Variants in ATP8A2 observed in about 807,000 individuals in gnomAD.
The protein encoded by ATP8A2 is phospholipid-transporting ATPase IB.
Under a neutral mutation model 165.6 loss-of-function variants are expected in ATP8A2, and 100 were observed. That is an observed-to-expected ratio of 0.60 (90% CI 0.51 to 0.71). ATP8A2 has a LOEUF of 0.71. Ranked by LOEUF, ATP8A2 falls within the 30% of genes least tolerant of loss-of-function variation. The pLI, the probability that ATP8A2 is intolerant of heterozygous loss-of-function variation, is 0.00. For synonymous variants in ATP8A2, 543 were observed against 548.8 expected (o/e 0.99, Z 0.15); for missense variants, 1,227 against 1,479.5 (o/e 0.83, Z 2.80).
At chr13:25,846,682 T>C in intron 30 of ATP8A2, among the ~76,000 whole-genome samples, 1 of 152,144 alleles carries the variant, frequency 6.6e-6, no homozygotes, top group East Asian at 1.9e-4. Context: ...CAGGGAGCTG[T>C]GCAGTCTGAT....
chr13:25,804,497 A>G (rs918095753), intron 27 of ATP8A2, among the ~76,000 whole-genome samples: 7 of 152,192 alleles, frequency 4.6e-5, no homozygotes, highest in African/African-American at 1.4e-4. Flanking sequence ...TAATCTAACA[A>G]TTAAATAGAG....
At chr13:25,567,604 G>A (rs915405189) in intron 16 of ATP8A2, among the ~76,000 whole-genome samples, 10 of 152,262 alleles carry the variant, frequency 6.6e-5, no homozygotes, top group African/African-American at 2.2e-4. Flanking sequence ...CATAGTTTCA[G>A]TACAAGCATA....
At chr13:25,762,664 G>T (rs2044407014) in intron 25 of ATP8A2, among the ~76,000 whole-genome samples, 1 of 152,146 alleles carries the variant, frequency 6.6e-6, no homozygotes, top group Non-Finnish European at 1.5e-5. Flanking sequence ...GATTTTGGTA[G>T]TTAGTCACCA....
chr13:25,537,536 G>A (rs1593487884), intron 6 of ATP8A2, among the ~76,000 whole-genome samples: 1 of 152,294 alleles, frequency 6.6e-6, no homozygotes, highest in African/African-American at 2.4e-5. Context: ...TGAGGAAACT[G>A]AGGCACACAG....
chr13:25,837,776 C>T (rs1951655543), intron 29 of ATP8A2, among the ~76,000 whole-genome samples: 2 of 151,972 alleles, frequency 1.3e-5, no homozygotes, highest in Non-Finnish European at 1.5e-5. Flanking sequence ...TCAGGGATCA[C>T]ATGAGTTGCA....
At chr13:25,409,209 T>C (rs1396326299) in intron 1 of ATP8A2, among the ~76,000 whole-genome samples, 1 of 152,208 alleles carries the variant, frequency 6.6e-6, no homozygotes. Flanking sequence ...ACTTAAAGTC[T>C]GCAGGCTCAG....
chr13:25,372,941 CAG>C lies in ATP8A2; in HGVS notation c.76+654_76+655del, dbSNP rs1256153135. On this transcript the variant is annotated intron_variant, in intron 1 of 36. Transcript: ENST00000381655. This position sits in a 1 kb window ranked among gnomAD's most constrained non-coding sequence, Gnocchi z 4.8. ...CGCACGCGTACACATACCCTGCCTG[CAG>C]GCGCCTGGGTGTTGGAACTCGAAAC... Among the ~76,000 whole-genome samples the C allele has an allele frequency of 6.6e-6, 1 of 152,204 alleles. No homozygotes were observed. Among genetic ancestry groups the C allele is most frequent in the Non-Finnish European group, 1.5e-5 (1 of 68,042 alleles).
At position 26,024,178 on chromosome 13, in the gene ATP8A2, T is replaced by C. The variant is rs938737214; in HGVS notation, c.*4193T>C. 6.6e-6 allele frequency: 1 copy of C among 152,174 alleles called. No individual in the cohort carries two copies. Among genetic ancestry groups the C allele is most frequent in the African/African-American group, 2.4e-5 (1 of 41,436 alleles). The allele number at this position is 152,174 out of a possible 1,614,324, so 9.4% of individuals were successfully genotyped here. A position where few individuals can be genotyped will look rare whatever the true frequency, so the allele number is the denominator to read the frequency against. The stretch of plus-strand genomic sequence containing the variant: ...TAACCTCATTCTAGCCATTTTTCCA[T>C]CCTGAAGGCCAAGAAGGACTATTAG... On this transcript the variant is annotated 3_prime_UTR_variant, in exon 37 of 37. Coordinates refer to ENST00000381655, the MANE Select transcript of ATP8A2 (RefSeq NM_016529.6).
At chr13:25,591,320 C>T (rs1285461845) in intron 24 of ATP8A2, 2 of 456,560 alleles carry the variant, frequency 4.4e-6, no homozygotes, top group African/African-American at 2.0e-5. Context: ...ATTCCCACAC[C>T]TACCTCATCC....
At position 25,839,564 on chromosome 13, in the gene ATP8A2, A is replaced by G. The variant is rs202061089; in HGVS notation, c.2896A>G (p.Ile966Val). The part of the protein sequence containing the change: ...FNTKVFWGHC[I>V]NALVHSLILF... ...TCCTTAGGTTTTCTGGGGTCACTGC[A>G]TCAACGCCTTGGTCCACTCCCTCAT... The change falls in exon 30 of 37, where the codon ATC (isoleucine) becomes GTC (valine). Residue 966 changes from isoleucine to valine, a missense_variant. Around this residue, in one of 5 missense-constraint regions of ATP8A2, gnomAD observed 260 missense variants for 245.1 expected, o/e 1.06. Transcript: ENST00000381655. 132 of 1,614,136 alleles carry G rather than the reference A, an allele frequency of 8.2e-5. No individual in the cohort carries two copies. Among genetic ancestry groups the G allele is most frequent in the Middle Eastern group, 3.3e-4 (2 of 6,062 alleles).
chr13:25,791,542 TACAC>T lies in ATP8A2; in HGVS notation c.2679+16614_2679+16617del, dbSNP rs55661899. The stretch of plus-strand genomic sequence containing the variant: ...CCCCGAACTTAAACACACACACACA[TACAC>T]ACACACACACACACACACACACACA... On this transcript the variant is annotated intron_variant, in intron 27 of 36. Coordinates refer to ENST00000381655, the MANE Select transcript of ATP8A2 (RefSeq NM_016529.6). 5.1e-3 allele frequency among the ~76,000 whole-genome samples: 725 copies of T among 143,056 alleles called. 10 individuals carry two copies. Among genetic ancestry groups the T allele is most frequent in the African/African-American group, 0.018 (675 of 38,270 alleles). The allele number at this position is 143,056 out of a possible 152,430, so 93.9% of individuals were successfully genotyped here. A position where few individuals can be genotyped will look rare whatever the true frequency, so the allele number is the denominator to read the frequency against.
intron 34 of ATP8A2, among the ~76,000 whole-genome samples, chr13:25,966,530 G>GA (rs996844429): frequency 4.6e-5 from 7 of 152,198 alleles, no homozygotes; most frequent in Admixed American, 4.6e-4. Flanking sequence ...AATGCATGCA[G>GA]AAAGAGAAGT....
intron 24 of ATP8A2, among the ~76,000 whole-genome samples, chr13:25,594,988 A>G (rs537827605): frequency 0.011 from 1,542 of 144,566 alleles, 9 homozygotes; most frequent in Middle Eastern, 0.019. Context: ...GTGTGTGTAT[A>G]TATATATATA....
At chr13:25,898,199 AT>A (rs1953620313) in intron 33 of ATP8A2, among the ~76,000 whole-genome samples, 1 of 151,702 alleles carries the variant, frequency 6.6e-6, no homozygotes, top group African/African-American at 2.4e-5. Flanking sequence ...TACAGATGGG[AT>A]TTTGGTGTGG....
chr13:25,469,042 G>A lies in ATP8A2; in HGVS notation c.142G>A (p.Gly48Arg). The part of the protein sequence containing the change: ...EDEMSRATSV[G>R]DQLEAPARTI... Reference sequence around the variant, plus strand: ...TGAGATGTCCCGGGCCACGTCTGTTGGAGACCAGCTGGAGGCACCCGCCCG... The same window carrying A: ...TGAGATGTCCCGGGCCACGTCTGTTAGAGACCAGCTGGAGGCACCCGCCCG... The change falls in exon 2 of 37, where the codon GGA becomes AGA. Residue 48 changes from glycine to arginine, a missense_variant. Around this residue, in one of 5 missense-constraint regions of ATP8A2, gnomAD observed 356 missense variants for 394.9 expected, o/e 0.90. Transcript: ENST00000381655. 6.2e-7 allele frequency: 1 copy of A among 1,614,070 alleles called. No individual in the cohort carries two copies. Among genetic ancestry groups the A allele is most frequent in the Non-Finnish European group, 8.5e-7 (1 of 1,179,910 alleles).
chr13:25,586,033 T>C (rs1450855676), intron 23 of ATP8A2, among the ~76,000 whole-genome samples: 1 of 152,228 alleles, frequency 6.6e-6, no homozygotes, highest in Non-Finnish European at 1.5e-5. Context: ...GCAAATGTTA[T>C]CTATTATGTG....
chr13:25,402,656 C>T (rs1221897193), intron 1 of ATP8A2, among the ~76,000 whole-genome samples: 4 of 152,034 alleles, frequency 2.6e-5, no homozygotes, highest in African/African-American at 7.2e-5. Context: ...ATAGTTTGAA[C>T]GTTTGTGTCC....
intron 24 of ATP8A2, among the ~76,000 whole-genome samples, chr13:25,642,655 C>G (rs117054965): frequency 0.035 from 5,261 of 152,268 alleles, 154 homozygotes; most frequent in East Asian, 0.13. Flanking sequence ...TTACTGTAAA[C>G]TAGTTCAACC....
chr13:25,776,431 C>T (rs748802221), intron 27 of ATP8A2, among the ~76,000 whole-genome samples: 7 of 152,074 alleles, frequency 4.6e-5, no homozygotes, highest in Admixed American at 1.3e-4. Context: ...ATATAATTGA[C>T]GTTTTATTCA....
Sources: allele counts gnomAD v4.1 joint callset (sites outside exome capture counted in the v4.1 genomes callset), GRCh38; gene constraint gnomAD v4.1.1; regional missense constraint gnomAD v4.1.1; non-coding constraint Gnocchi (gnomAD v3.1); transcripts MANE v1.5; gene names NCBI Gene and HGNC (gene_info 2026-07-23, HGNC 2026-07-21).